The following PPP1R14B variants were observed in gnomAD, a reference collection of about 807,000 sequenced individuals.
The protein encoded by PPP1R14B is protein phosphatase 1 regulatory inhibitor subunit 14B.
PPP1R14B carries 4 observed loss-of-function variants against 14.7 expected under a neutral mutation model. The ratio of observed to expected loss-of-function variants is 0.27; its 90% CI spans 0.13 to 0.62. The LOEUF (loss-of-function observed/expected upper bound fraction) is 0.62. Among genes scored for constraint, PPP1R14B ranks in the 20% least tolerant of loss-of-function variants. The pLI, the probability that PPP1R14B is intolerant of heterozygous loss-of-function variation, is 0.85. For missense variants in PPP1R14B, 138 were observed against 201.5 expected, an observed-to-expected ratio of 0.68 and a Z score of 1.91; for synonymous variants, 76 against 87.3, an observed-to-expected ratio of 0.87 and a Z score of 0.72.
chr11:64,246,647 GC>G lies in PPP1R14B; in HGVS notation c.26del (p.Gly9AlafsTer42). The G allele has an allele frequency of 8.1e-7, 1 of 1,242,024 alleles. No homozygotes were observed. Among genetic ancestry groups the G allele is most frequent in the Non-Finnish European group, 1.0e-6 (1 of 987,812 alleles). The allele number at this position is 1,242,024 out of a possible 1,614,324, so 76.9% of individuals were successfully genotyped here. MADSGTAG[G>X]AALAAPAPGP... is the part of the protein sequence containing the mutation. ...CGGGGGCCGGGGCCGCCAACGCCGCGCCCCCCGCGGTGCCGCTGTCCGCCAT... is the reference window on the plus strand; with the variant it reads ...CGGGGGCCGGGGCCGCCAACGCCGCGCCCCCGCGGTGCCGCTGTCCGCCAT... On this transcript the variant is annotated frameshift_variant, in exon 1 of 4. Transcript: ENST00000309318. LOFTEE classifies it high-confidence loss of function.
chr11:64,244,845 C>T, intron 3 of PPP1R14B, 23 bp from the exon 4 acceptor site: 3 of 1,613,986 alleles, frequency 1.9e-6, no homozygotes, highest in Non-Finnish European at 2.5e-6. Flanking sequence ...GGAGGGTAAA[C>T]ATTAAGGAGA....
At chr11:64,245,026 A>G in intron 2 of PPP1R14B, 64 bp from the exon 3 acceptor site, 1 of 1,526,088 alleles carries the variant, frequency 6.6e-7, no homozygotes, top group Non-Finnish European at 8.9e-7. Flanking sequence ...GAGCTCGCCT[A>G]TACCCACTTC....
chr11:64,246,622 CG>C lies in PPP1R14B; in HGVS notation c.51del (p.Pro19ArgfsTer32). 5 of 1,346,396 alleles carry C rather than the reference CG, an allele frequency of 3.7e-6. No homozygotes were observed. Among genetic ancestry groups the C allele is most frequent in the South Asian group, 3.8e-5 (2 of 52,132 alleles). The allele number at this position is 1,346,396 out of a possible 1,614,324, so 83.4% of individuals were successfully genotyped here. A position where few individuals can be genotyped will look rare whatever the true frequency, so the allele number is the denominator to read the frequency against. On this transcript the variant is annotated frameshift_variant, in exon 1 of 4. Transcript: ENST00000309318. LOFTEE classifies it high-confidence loss of function. ...AGGAALAAPA[P>X]GPGSGGPGPR... ...GGTCCTGGGCCGCCACTGCCCGGCC[CG>C]GGGGCCGGGGCCGCCAACGCCGCGC...
At chr11:64,246,366 G>A (rs1160005909) in intron 1 of PPP1R14B, 50 bp downstream of exon 1, 1 of 1,563,830 alleles carries the variant, frequency 6.4e-7, no homozygotes, top group Non-Finnish European at 8.7e-7. Flanking sequence ...GCTGCCAGGC[G>A]GACCGGCGCG....
intron 1 of PPP1R14B, 48 bp from the exon 2 acceptor site, chr11:64,245,335 G>A (rs972638557): frequency 3.4e-6 from 5 of 1,486,926 alleles, no homozygotes; most frequent in Non-Finnish European, 4.7e-6. Context: ...CTGAGTTGGA[G>A]AGAGGGTGTG....
chr11:64,245,197 C>A lies in PPP1R14B; in HGVS notation c.342+7G>T, dbSNP rs1173110722. ...TCAGGCAACCCATCGCCCCCCAGCC[C>A]CCTCACCTTGACCCTGGCAGCCCGG... On this transcript the variant is annotated splice_region_variant and intron_variant, in intron 2 of 3. Transcript: ENST00000309318. The A allele has an allele frequency of 1.9e-6, 3 of 1,613,006 alleles. No homozygotes were observed. Among genetic ancestry groups the A allele is most frequent in the East Asian group, 4.5e-5 (2 of 44,866 alleles).
chr11:64,246,652 C>G lies in PPP1R14B; in HGVS notation c.22G>C (p.Gly8Arg). Residue 8 changes from glycine (G) to arginine (R), a missense_variant, in exon 1 of 4, where the codon GGG becomes CGG. Gly to Arg is a moderately radical substitution (Grantham distance 125, BLOSUM62 -2). Coordinates refer to ENST00000309318, the MANE Select transcript of PPP1R14B (RefSeq NM_138689.3). Reference sequence around the variant, plus strand: ...GCCGGGGCCGCCAACGCCGCGCCCCCCGCGGTGCCGCTGTCCGCCATGGCG... The same window carrying G: ...GCCGGGGCCGCCAACGCCGCGCCCCGCGCGGTGCCGCTGTCCGCCATGGCG... MADSGTA[G>R]GAALAAPAPG... 5 of 1,228,566 alleles carry G rather than the reference C, an allele frequency of 4.1e-6. No homozygotes were observed. Among genetic ancestry groups the G allele is most frequent in the Non-Finnish European group, 5.1e-6 (5 of 980,160 alleles). The allele number at this position is 1,228,566 out of a possible 1,614,324, so 76.1% of individuals were successfully genotyped here.
In PPP1R14B at chr11:64,244,719, C is replaced by T. The variant is rs779538459; in HGVS notation, c.*35G>A. ...ACGAGGTTGGGGGGCAGCGATTGTC[C>T]TGTGGGAGCCACCGTTCTCCTGGGT... On this transcript the variant is annotated 3_prime_UTR_variant, in exon 4 of 4. Transcript: ENST00000309318. 6.2e-7 allele frequency: 1 copy of T among 1,609,826 alleles called. No individual in the cohort carries two copies. Among genetic ancestry groups the T allele is most frequent in the East Asian group, 2.2e-5 (1 of 44,852 alleles).
rs2030786879 is a variant in PPP1R14B, at chr11:64,244,497, TATC to T, written c.*254_*256del. 9.2e-7 allele frequency: 1 copy of T among 1,087,746 alleles called. No individual in the cohort carries two copies. Among genetic ancestry groups the T allele is most frequent in the African/African-American group, 1.6e-5 (1 of 62,814 alleles). 67.4% of individuals were successfully genotyped at this position (1,087,746 alleles called of 1,614,324 possible). A position where few individuals can be genotyped will look rare whatever the true frequency, so the allele number is the denominator to read the frequency against. ...GAGCCTGTTAGCTGCACCAAAGGCG[TATC>T]CTAGCTTTATTAAAGGGCCCGCGCC... On this transcript the variant is annotated 3_prime_UTR_variant, in exon 4 of 4. Coordinates refer to ENST00000309318, the MANE Select transcript of PPP1R14B (RefSeq NM_138689.3).
Position 64,246,565 on chromosome 11 carries a change from C to T in PPP1R14B, c.109G>A (p.Ala37Thr), listed in dbSNP as rs780501792. The change falls in exon 1 of 4, where the codon GCA becomes ACA. Residue 37 changes from alanine to threonine, a missense_variant. Ala to Thr is a moderately conservative substitution (Grantham distance 58). Around this residue, in one of 3 missense-constraint regions of PPP1R14B, gnomAD observed 32 missense variants for 18.1 expected, o/e 1.77. Transcript: ENST00000309318. ...TCCGCCCCGCCCGGGCCCTCTCCTGCGGCCCCGGGGGGGCTCTGAAAGTAG... is the reference window on the plus strand; with the variant it reads ...TCCGCCCCGCCCGGGCCCTCTCCTGTGGCCCCGGGGGGGCTCTGAAAGTAG... ...RVYFQSPPGA[A>T]GEGPGGADDE... 40 of 1,605,522 alleles carry T rather than the reference C, an allele frequency of 2.5e-5. No homozygotes were observed. In the East Asian group the frequency reaches 3.4e-4, roughly 13 times the overall value.
Position 64,246,532 on chromosome 11 carries a change from C to T in PPP1R14B, c.142G>A (p.Gly48Ser), listed in dbSNP as rs765076512. 7 of 1,609,564 alleles carry T rather than the reference C, an allele frequency of 4.3e-6. No individual in the cohort carries two copies. In the South Asian group the frequency reaches 6.6e-5, roughly 15 times the overall value. ...ACCTTCCCTTGGCGCCTCACTGGGC[C>T]CTCATCGTCCGCCCCGCCCGGGCCC... is the stretch of plus-strand genomic sequence containing the variant. ...GEGPGGADDE[G>S]PVRRQGKVTV... Residue 48 changes from glycine (G) to serine (S), a missense_variant, in exon 1 of 4, where the codon GGC becomes AGC. By Grantham distance (56) the Gly-to-Ser change is moderately conservative. This residue lies in a region of PPP1R14B where 84 missense variants were observed against 137.5 expected (regional missense o/e 0.61). Transcript: ENST00000309318.
intron 3 of PPP1R14B, 27 bp from the exon 4 acceptor site, chr11:64,244,849 A>G (rs371278002): frequency 2.5e-6 from 4 of 1,613,764 alleles, no homozygotes; most frequent in Non-Finnish European, 3.4e-6. Context: ...GGTAAACATT[A>G]AGGAGACCAG....
chr11:64,246,302 G>C (rs1231784041), intron 1 of PPP1R14B, 114 bp downstream of exon 1: 2 of 1,404,264 alleles, frequency 1.4e-6, no homozygotes, highest in East Asian at 5.1e-5. Context: ...GGAGGGGAGC[G>C]CGCGGGGAAG....
In PPP1R14B at chr11:64,244,972, G is replaced by C. The variant is rs1000981937; in HGVS notation, c.343-10C>G. On this transcript the variant is annotated splice_polypyrimidine_tract_variant and intron_variant, in intron 2 of 3. Transcript: ENST00000309318. ...AGTCAACCAGCAGCTCCTAGCAGAG[G>C]ATGGGGGAGGAAGGATAAGTGAGTC... is the stretch of plus-strand genomic sequence containing the variant. 2.5e-6 allele frequency: 4 copies of C among 1,609,634 alleles called. No homozygotes were observed. The highest frequency in any genetic ancestry group is 1.7e-5 in the Admixed American group (1 of 59,684).
At chr11:64,245,380 G>T in intron 1 of PPP1R14B, 93 bp from the exon 2 acceptor site, 1 of 1,036,682 alleles carries the variant, frequency 9.6e-7, no homozygotes, top group Non-Finnish European at 1.4e-6. Context: ...TGCCTACCTC[G>T]GAGGAACCCA....
At chr11:64,245,633 C>T (rs568538574) in intron 1 of PPP1R14B, 1 of 267,548 alleles carries the variant, frequency 3.7e-6, no homozygotes, top group East Asian at 7.8e-5. Context: ...GTGCAGCTGT[C>T]CCAGCTTATC....
At position 64,244,767 on chromosome 11, in the gene PPP1R14B, G is replaced by A; in HGVS notation, c.431C>T (p.Pro144Leu). Residue 144 changes from proline (P) to leucine (L), a missense_variant, in exon 4 of 4, where the codon CCC becomes CTC. This residue lies in a region of PPP1R14B where 84 missense variants were observed against 137.5 expected (regional missense o/e 0.61). Transcript: ENST00000309318. Reference sequence around the variant, plus strand: ...GGTCGGGGACCGTCACTTCTTCTGGGGTGTGCTCAGCTTCTGCATGCCCCG... The same window carrying A: ...GGTCGGGGACCGTCACTTCTTCTGGAGTGTGCTCAGCTTCTGCATGCCCCG... ...KIRGMQKLSTPQKK is the reference protein window; with the variant it reads ...KIRGMQKLSTLQKK 1 of 1,613,690 alleles carries A rather than the reference G, an allele frequency of 6.2e-7. No individual in the cohort carries two copies. The highest frequency in any genetic ancestry group is 8.5e-7 in the Non-Finnish European group (1 of 1,179,954).
chr11:64,244,659 G>T lies in PPP1R14B; in HGVS notation c.*95C>A, dbSNP rs1174340717. 3.2e-6 allele frequency: 5 copies of T among 1,561,042 alleles called. No individual in the cohort carries two copies. Among genetic ancestry groups the T allele is most frequent in the Non-Finnish European group, 4.4e-6 (5 of 1,142,078 alleles). On this transcript the variant is annotated 3_prime_UTR_variant, in exon 4 of 4. Transcript: ENST00000309318. Reference sequence around the variant, plus strand: ...CGAGGAGCCCTGCTCATGGCACCAGGCCTGGCCGCAGGGTCCCCCGGTATT... The same window carrying T: ...CGAGGAGCCCTGCTCATGGCACCAGTCCTGGCCGCAGGGTCCCCCGGTATT...
Position 64,246,440 on chromosome 11 carries a change from C to G in PPP1R14B, c.234G>C (p.Gln78His), listed in dbSNP as rs2030880674. The G allele has an allele frequency of 1.2e-6, 2 of 1,609,072 alleles. No individual in the cohort carries two copies. The highest frequency in any genetic ancestry group is 1.7e-6 in the Non-Finnish European group (2 of 1,178,646). ...CCTGGCAGTCGTAGAGGCGCGTGAG[C>G]TGCTCCAGGATCCACTCCTCTAGGT... ...RLNLEEWILE[Q>H]LTRLYDCQEE... The change falls in exon 1 of 4, where the codon CAG (glutamine) becomes CAC (histidine). Residue 78 changes from glutamine (Q) to histidine (H), a missense_variant. Physicochemically the swap from Gln to His is conservative, Grantham distance 24 (BLOSUM62 0). This residue lies in a region of PPP1R14B where 84 missense variants were observed against 137.5 expected (regional missense o/e 0.61). Coordinates refer to ENST00000309318, the MANE Select transcript of PPP1R14B (RefSeq NM_138689.3).
Sources: gnomAD v4.1 joint callset for allele counts on GRCh38, gnomAD v4.1.1 for gene constraint, gnomAD v4.1.1 regional missense constraint, MANE v1.5 for transcripts, NCBI Gene and HGNC (gene_info 2026-07-23, HGNC 2026-07-21) for gene names.